The following RAPGEF4 variants were observed in gnomAD, a reference collection of about 807,000 sequenced individuals.
RAPGEF4 encodes Rap guanine nucleotide exchange factor 4, also known as RAP guanine-nucleotide-exchange factor (GEF) 4.
Under a neutral mutation model 147.9 loss-of-function variants are expected in RAPGEF4, and 66 were observed. That is an observed-to-expected ratio of 0.45 (90% CI 0.37 to 0.55). The LOEUF is 0.55. RAPGEF4 is among the 20% of genes least tolerant of loss of function. The pLI, the probability that RAPGEF4 is intolerant of heterozygous loss-of-function variation, is 0.00. For missense variants in RAPGEF4, 1,071 were observed against 1,257.3 expected, an observed-to-expected ratio of 0.85 and a Z score of 2.24; for synonymous variants, 419 against 442.7, an observed-to-expected ratio of 0.95 and a Z score of 0.67.
intron 4 of RAPGEF4, among the ~76,000 whole-genome samples, chr2:172,843,071 C>CT (rs1463954369): frequency 4.6e-5 from 7 of 152,138 alleles, no homozygotes; most frequent in African/African-American, 1.7e-4. Flanking sequence ...TGATGATGAA[C>CT]TAGAATGATC....
chr2:172,920,370 T>C (rs1575242939), intron 5 of RAPGEF4, among the ~76,000 whole-genome samples: 1 of 152,304 alleles, frequency 6.6e-6, no homozygotes, highest in African/African-American at 2.4e-5. Context: ...TTTTCCTTAG[T>C]AACATCCGCC....
chr2:172,928,692 G>GA (rs1177352535), intron 6 of RAPGEF4, among the ~76,000 whole-genome samples: 1 of 152,090 alleles, frequency 6.6e-6, no homozygotes, highest in Non-Finnish European at 1.5e-5. Context: ...CCATGCTGAC[G>GA]ATTTTCTAGG....
chr2:172,737,415 A>C (rs1693896058), intron 1 of RAPGEF4, among the ~76,000 whole-genome samples: 1 of 151,740 alleles, frequency 6.6e-6, no homozygotes, highest in Non-Finnish European at 1.5e-5. Flanking sequence ...TCTTGCACTT[A>C]ACCTATAAAT....
intron 1 of RAPGEF4, among the ~76,000 whole-genome samples, chr2:172,777,632 ACT>A (rs1170707725): frequency 6.6e-6 from 1 of 151,952 alleles, no homozygotes; most frequent in East Asian, 1.9e-4. Flanking sequence ...TTTCCCTCTG[ACT>A]CACGTCACTG....
chr2:173,050,619 T>G (rs1210186896), intron 30 of RAPGEF4, among the ~76,000 whole-genome samples: 2 of 152,174 alleles, frequency 1.3e-5, no homozygotes. Context: ...CCCTACCCAG[T>G]GATGCTTGAA....
At chr2:172,956,618 C>T (rs1196710943) in intron 6 of RAPGEF4, among the ~76,000 whole-genome samples, 2 of 151,918 alleles carry the variant, frequency 1.3e-5, no homozygotes, top group South Asian at 2.1e-4. Context: ...TACAGGTGCC[C>T]GCCACCACGC....
chr2:172,972,856 T>TA (rs1301754611), intron 10 of RAPGEF4, among the ~76,000 whole-genome samples: 1 of 152,168 alleles, frequency 6.6e-6, no homozygotes, highest in Non-Finnish European at 1.5e-5. Flanking sequence ...TGACAAGAGT[T>TA]AAAAAAGAAG....
intron 4 of RAPGEF4, among the ~76,000 whole-genome samples, chr2:172,816,465 G>C (rs184376976): frequency 6.6e-6 from 1 of 152,262 alleles, no homozygotes; most frequent in Admixed American, 6.5e-5. Flanking sequence ...ATTAGATCAA[G>C]CCAAACATTT....
At chr2:172,747,385 T>G (rs929050342) in intron 1 of RAPGEF4, among the ~76,000 whole-genome samples, 3 of 152,230 alleles carry the variant, frequency 2.0e-5, no homozygotes, top group African/African-American at 7.2e-5. Flanking sequence ...CTTAGCAAAT[T>G]GCAGTTTGAA....
intron 4 of RAPGEF4, among the ~76,000 whole-genome samples, chr2:172,887,215 AG>A (rs1156538568): frequency 3.9e-5 from 6 of 152,028 alleles, no homozygotes; most frequent in African/African-American, 1.4e-4. Context: ...AAAGAAAAAA[AG>A]AAAAAAAAAG....
chr2:172,980,738 T>C (rs1691591806), intron 10 of RAPGEF4, among the ~76,000 whole-genome samples: 1 of 152,130 alleles, frequency 6.6e-6, no homozygotes, highest in Admixed American at 6.5e-5. Flanking sequence ...GTATTTAGGG[T>C]CTGACAGTTC....
intron 24 of RAPGEF4, 40 bp from the exon 25 acceptor site, chr2:173,027,041 T>A (rs756377876): frequency 6.8e-6 from 10 of 1,479,500 alleles, no homozygotes; most frequent in Non-Finnish European, 9.1e-6. Context: ...TGTTTTGATT[T>A]AAAAAAAAAT....
chr2:173,018,879 C>T (rs139630238), intron 22 of RAPGEF4, 77 bp downstream of exon 22: 191 of 1,508,944 alleles, frequency 1.3e-4, no homozygotes, highest in East Asian at 2.5e-4. Context: ...AAGGAGTTAG[C>T]GTGGTCATGT....
chr2:172,772,144 T>A (rs7557672), intron 1 of RAPGEF4, among the ~76,000 whole-genome samples: 1,654 of 151,912 alleles, frequency 0.011, 34 homozygotes, highest in African/African-American at 0.037. Flanking sequence ...GAGGCTGAGG[T>A]GGGAGGATCA....
rs1033499499 is a variant in RAPGEF4 at position 172,934,219 on chromosome 2, G to A, written c.537+11919G>A. ...GGCTGGAGTGCGATGGCGCAATCTC[G>A]GCTCACTGCAACCTCCACCTCCCAG... On this transcript the variant is annotated intron_variant, in intron 6 of 30. Coordinates refer to ENST00000397081, the MANE Select transcript of RAPGEF4 (RefSeq NM_007023.4). 1.9e-4 allele frequency among the ~76,000 whole-genome samples: 25 copies of A among 129,636 alleles called. 1 individual carries two copies. Among genetic ancestry groups the A allele is most frequent in the Admixed American group, 1.3e-3 (13 of 10,012 alleles). 85.0% of individuals were successfully genotyped at this position (129,636 alleles called of 152,430 possible).
chr2:172,971,683 A>T (rs1202328667), intron 10 of RAPGEF4, among the ~76,000 whole-genome samples: 10 of 152,260 alleles, frequency 6.6e-5, no homozygotes, highest in African/African-American at 2.4e-4. Flanking sequence ...GAGAGATGGG[A>T]AAGTGAAAAG....
At chr2:173,013,050 T>A (rs890808980) in intron 17 of RAPGEF4, among the ~76,000 whole-genome samples, 1 of 152,286 alleles carries the variant, frequency 6.6e-6, no homozygotes, top group Non-Finnish European at 1.5e-5. Flanking sequence ...CAATTTTCTT[T>A]TTTATGAATC....
At chr2:172,789,115 A>C (rs1189753607) in intron 1 of RAPGEF4, among the ~76,000 whole-genome samples, 1 of 152,230 alleles carries the variant, frequency 6.6e-6, no homozygotes, top group Non-Finnish European at 1.5e-5. Flanking sequence ...AGCTGTCTTC[A>C]TCAGTGCCAG....
In RAPGEF4 at chr2:172,793,824, G is replaced by A. The variant is rs1398851471; in HGVS notation, c.66-1201G>A. Among the ~76,000 whole-genome samples the A allele has an allele frequency of 2.6e-5, 4 of 152,228 alleles. 1 individual carries two copies. In the East Asian group the frequency reaches 7.7e-4, roughly 29 times the overall value. The stretch of plus-strand genomic sequence containing the variant: ...TCCAGAGATTTTTTTTTATGTGTGT[G>A]GCCCACACAGTGTTCAAGAAATATG... On this transcript the variant is annotated intron_variant, in intron 1 of 30. Transcript: ENST00000397081.
Sources: gnomAD v4.1 joint callset for allele counts (sites outside exome capture counted in the v4.1 genomes callset) on GRCh38, gnomAD v4.1.1 for gene constraint, MANE v1.5 for transcripts, NCBI Gene and HGNC (gene_info 2026-07-23, HGNC 2026-07-21) for gene names.